LANCL2: variants seen among roughly 807,000 people sequenced by gnomAD.
The protein encoded by LANCL2 is lanC-like protein 2.
LANCL2 carries 33 observed loss-of-function variants against 56.9 expected under a neutral mutation model. That is an observed-to-expected ratio of 0.58 (90% confidence interval 0.44 to 0.78). The LOEUF is 0.78. Ranked by LOEUF, LANCL2 falls within the 30% of genes least tolerant of loss-of-function variation. The probability of loss-of-function intolerance (pLI) is 0.00; values close to 1 mark genes in which losing one functional copy is unlikely to be tolerated. For missense variants in LANCL2, 562 were observed against 580.2 expected, an observed-to-expected ratio of 0.97 and a Z score of 0.32; for synonymous variants, 233 against 228.2, an observed-to-expected ratio of 1.02 and a Z score of -0.19.
chr7:55,400,582 A>G (rs1790310321), intron 4 of LANCL2, among the ~76,000 whole-genome samples: 1 of 152,192 alleles, frequency 6.6e-6, no homozygotes, highest in African/African-American at 2.4e-5. Flanking sequence ...TTCTGCTCCC[A>G]TCCCAGTGCC....
At chr7:55,397,948 T>A (rs986038418) in intron 2 of LANCL2, among the ~76,000 whole-genome samples, 3 of 151,712 alleles carry the variant, frequency 2.0e-5, no homozygotes, top group Non-Finnish European at 4.4e-5. Context: ...ATTGAAAAAT[T>A]GGGAAAAATA....
At chr7:55,396,896 A>G (rs1790260031) in intron 2 of LANCL2, 1 of 152,172 alleles carries the variant, frequency 6.6e-6, no homozygotes. Flanking sequence ...ATTTGTAAGT[A>G]TTTAACTTTT....
chr7:55,395,400 CAGTA>C (rs1274523276), intron 2 of LANCL2, among the ~76,000 whole-genome samples: 2 of 151,612 alleles, frequency 1.3e-5, no homozygotes, highest in Non-Finnish European at 2.9e-5. Flanking sequence ...GATGGCTAGA[CAGTA>C]AGAGCATGTG....
At chr7:55,426,355 A>T (rs960361841) in intron 7 of LANCL2, among the ~76,000 whole-genome samples, 2 of 152,240 alleles carry the variant, frequency 1.3e-5, no homozygotes, top group Non-Finnish European at 2.9e-5. Flanking sequence ...TATTTTTATT[A>T]TGTACACATT....
intron 1 of LANCL2, 66 bp downstream of exon 1, chr7:55,366,295 C>G: frequency 7.4e-7 from 1 of 1,343,302 alleles, no homozygotes; most frequent in African/African-American, 1.5e-5. Flanking sequence ...GTCCACCTTC[C>G]GCCAGGCGTG....
In LANCL2 at chr7:55,423,648, A is replaced by G. The variant is rs574561485; in HGVS notation, c.1009-1606A>G. Among the ~76,000 whole-genome samples the G allele has an allele frequency of 8.5e-5, 13 of 152,376 alleles. No homozygotes were observed. The East Asian group carries it at 2.5e-3, about 29-fold the overall frequency. ...AGCTAGCACTTCCCATGTGCCAGGC[A>G]CTGTTCCAGGAGCTCCATGGATGTG... On this transcript the variant is annotated intron_variant, in intron 6 of 8. Transcript: ENST00000254770.
At chr7:55,405,462 G>C (rs188619262) in intron 5 of LANCL2, among the ~76,000 whole-genome samples, 47 of 151,498 alleles carry the variant, frequency 3.1e-4, no homozygotes, top group Non-Finnish European at 5.7e-4. Flanking sequence ...TATTTTCCCG[G>C]GAAAATGTTT....
Position 55,401,226 on chromosome 7 carries a change from A to T in LANCL2, c.731A>T (p.Lys244Ile). Residue 244 changes from lysine (K) to isoleucine (I), a missense_variant, in exon 5 of 9, where the codon AAA becomes ATA. Physicochemically the swap from Lys to Ile is moderately radical, Grantham distance 102. Coordinates refer to ENST00000254770, the MANE Select transcript of LANCL2 (RefSeq NM_018697.4). ...SGKTLSREER[K>I]TERCPLLYQW... ...AAGACTTTGTCAAGGGAAGAAAGAA[A>T]AACGGAGCGCTGCCCGCTGTTGTAC... is the stretch of plus-strand genomic sequence containing the variant. The T allele has an allele frequency of 6.2e-7, 1 of 1,614,170 alleles. No individual in the cohort carries two copies. Among genetic ancestry groups the T allele is most frequent in the Non-Finnish European group, 8.5e-7 (1 of 1,180,006 alleles).
At chr7:55,413,890 G>A (rs1184974325) in intron 6 of LANCL2, among the ~76,000 whole-genome samples, 1 of 152,248 alleles carries the variant, frequency 6.6e-6, no homozygotes, top group Admixed American at 6.5e-5. Context: ...GAAGGCATCA[G>A]TGGTAATTTG....
intron 1 of LANCL2, among the ~76,000 whole-genome samples, chr7:55,388,902 C>T (rs1467148689): frequency 6.6e-6 from 1 of 152,138 alleles, no homozygotes; most frequent in African/African-American, 2.4e-5. Flanking sequence ...TCATTGAGGG[C>T]CGTTTGCCTT....
chr7:55,386,413 CTGTT>C (rs921305248), intron 1 of LANCL2, among the ~76,000 whole-genome samples: 11 of 152,240 alleles, frequency 7.2e-5, no homozygotes, highest in African/African-American at 2.7e-4. Context: ...GCCGGTCCCT[CTGTT>C]TGGGGGTCCC....
At chr7:55,419,438 T>G (rs1790582542) in intron 6 of LANCL2, among the ~76,000 whole-genome samples, 1 of 150,744 alleles carries the variant, frequency 6.6e-6, no homozygotes, top group Admixed American at 6.6e-5. Flanking sequence ...ATCTTGCTGT[T>G]TCTCCCAGGC....
intron 5 of LANCL2, among the ~76,000 whole-genome samples, chr7:55,410,664 C>T (rs1790460371): frequency 1.3e-5 from 2 of 152,288 alleles, no homozygotes; most frequent in Admixed American, 6.5e-5. Context: ...TAGCAATATG[C>T]GGATTTATGT....
Position 55,398,635 on chromosome 7 carries a change from GT to G in LANCL2, c.530+9del, listed in dbSNP as rs1790283940. On this transcript the variant is annotated splice_donor_region_variant and intron_variant, in intron 3 of 8. Transcript: ENST00000254770. ...GTCCCAGGAATGTGTCACAAAGTGA[GT>G]TTTAGAACTGGAAACATTTTCTCCC... is the stretch of plus-strand genomic sequence containing the variant. 1 of 1,607,150 alleles carries G rather than the reference GT, an allele frequency of 6.2e-7. No homozygotes were observed. The highest frequency in any genetic ancestry group is 1.3e-5 in the African/African-American group (1 of 74,776).
intron 5 of LANCL2, among the ~76,000 whole-genome samples, chr7:55,402,649 G>A (rs1247231277): frequency 1.9e-5 from 2 of 107,842 alleles, no homozygotes; most frequent in Non-Finnish European, 3.9e-5. Flanking sequence ...TGGGCGGGGG[G>A]CTAACCCCCC....
intron 1 of LANCL2, among the ~76,000 whole-genome samples, chr7:55,370,511 A>G (rs1406640963): frequency 6.6e-6 from 1 of 152,202 alleles, no homozygotes; most frequent in Non-Finnish European, 1.5e-5. Context: ...GTTGGGAGAG[A>G]AATTGCTGTG....
chr7:55,376,199 T>C (rs115971824), intron 1 of LANCL2, among the ~76,000 whole-genome samples: 1,809 of 152,306 alleles, frequency 0.012, 38 homozygotes, highest in African/African-American at 0.04. Flanking sequence ...ACTGTTGATA[T>C]CACTTTTGGT....
At chr7:55,401,109 G>A (rs2128993740) in intron 4 of LANCL2, 65 bp from the exon 5 acceptor site, 7 of 1,407,380 alleles carry the variant, frequency 5.0e-6, no homozygotes, top group South Asian at 1.2e-5. Context: ...ATGACATACT[G>A]TTAATTAGAC....
chr7:55,400,412 G>C lies in LANCL2; in HGVS notation c.678+308G>C, dbSNP rs191898663. Among the ~76,000 whole-genome samples, 6 of 152,268 alleles carry C rather than the reference G, an allele frequency of 3.9e-5. No homozygotes were observed. The East Asian group carries it at 1.2e-3, about 29-fold the overall frequency. ...TAAGCATTTCAGGCTGGTATGAGTG[G>C]GGACCAGCTTCTTCTGTCTCATTCT... On this transcript the variant is annotated intron_variant, in intron 4 of 8. Transcript: ENST00000254770.
Sources: gnomAD v4.1 joint callset for allele counts (sites outside exome capture counted in the v4.1 genomes callset) on GRCh38, gnomAD v4.1.1 for gene constraint, MANE v1.5 for transcripts, NCBI Gene and HGNC (gene_info 2026-07-23, HGNC 2026-07-21) for gene names.